The following TNFRSF10A variants were observed in gnomAD, a reference collection of about 807,000 sequenced individuals.
The protein encoded by TNFRSF10A is tumor necrosis factor receptor superfamily member 10A.
Under a neutral mutation model 42.8 loss-of-function variants are expected in TNFRSF10A, and 44 were observed. That is an observed-to-expected ratio of 1.03 (90% CI 0.81 to 1.32). TNFRSF10A has a LOEUF of 1.32. TNFRSF10A is among the 40% of genes most tolerant of loss of function. TNFRSF10A has a pLI of 0.00. For missense variants in TNFRSF10A, 680 were observed against 602.0 expected (o/e 1.13, Z -1.36); for synonymous variants, 259 against 234.2 (o/e 1.11, Z -0.97).
chr8:23,212,115 C>G lies in TNFRSF10A; in HGVS notation c.403+1G>C, dbSNP rs750693414. ...GATTAGAGATCAGTCTTAGAATGTA[C>G]CTGGTGGACACAACTCTCCCAAAGG... On this transcript the variant is annotated splice_donor_variant, in intron 2 of 9. Coordinates refer to ENST00000221132, the MANE Select transcript of TNFRSF10A (RefSeq NM_003844.4). LOFTEE classifies it high-confidence loss of function. The G allele has an allele frequency of 2.5e-5, 41 of 1,612,398 alleles. No individual in the cohort carries two copies. Among genetic ancestry groups the G allele is most frequent in the Non-Finnish European group, 3.1e-5 (36 of 1,178,834 alleles).
intron 6 of TNFRSF10A, 28 bp downstream of exon 6, chr8:23,200,477 A>G: frequency 6.2e-7 from 1 of 1,611,076 alleles, no homozygotes; most frequent in Non-Finnish European, 8.5e-7. Context: ...GAGAGTGCCC[A>G]GAGCCCTTGC....
chr8:23,191,641 A>C lies in TNFRSF10A; in HGVS notation c.*53T>G, dbSNP rs893389716. 22 of 1,489,242 alleles carry C rather than the reference A, an allele frequency of 1.5e-5. No homozygotes were observed. Among genetic ancestry groups the C allele is most frequent in the Non-Finnish European group, 2.0e-5 (22 of 1,127,136 alleles). 92.3% of individuals were successfully genotyped at this position (1,489,242 alleles called of 1,614,324 possible). On this transcript the variant is annotated 3_prime_UTR_variant, in exon 10 of 10. Coordinates refer to ENST00000221132, the MANE Select transcript of TNFRSF10A (RefSeq NM_003844.4). ...TACATGTTAAAAAAAAAAAAAACCT[A>C]ATATGTATTAACTCCTAACACCTAA...
intron 9 of TNFRSF10A, 91 bp from the exon 10 acceptor site, chr8:23,192,104 A>C: frequency 6.6e-7 from 1 of 1,513,724 alleles, no homozygotes; most frequent in Non-Finnish European, 8.8e-7. Context: ...GAACCCAAGG[A>C]GAGAACCTGG....
At chr8:23,201,760 T>G in intron 4 of TNFRSF10A, 48 bp downstream of exon 4, 1 of 1,568,340 alleles carries the variant, frequency 6.4e-7, no homozygotes, top group South Asian at 1.1e-5. Flanking sequence ...GTTCCTTGCT[T>G]CTGTGGGTTC....
intron 9 of TNFRSF10A, among the ~76,000 whole-genome samples, chr8:23,192,529 G>C (rs1448569595): frequency 1.3e-5 from 2 of 152,210 alleles, no homozygotes; most frequent in African/African-American, 4.8e-5. Flanking sequence ...CAAACCTGAA[G>C]ACAGAGCAAA....
At chr8:23,201,754 C>G in intron 4 of TNFRSF10A, 54 bp downstream of exon 4, 1 of 1,451,870 alleles carries the variant, frequency 6.9e-7, no homozygotes, top group Non-Finnish European at 9.3e-7. Flanking sequence ...TTTAGGGTTC[C>G]TTGCTTCTGT....
chr8:23,203,879 C>T (rs910612813), intron 2 of TNFRSF10A, among the ~76,000 whole-genome samples: 3 of 151,452 alleles, frequency 2.0e-5, no homozygotes, highest in Non-Finnish European at 2.9e-5. Flanking sequence ...TGGGTTCAAG[C>T]GATTCTCCTG....
intron 9 of TNFRSF10A, among the ~76,000 whole-genome samples, chr8:23,196,301 C>G (rs1800821780): frequency 6.6e-6 from 1 of 152,136 alleles, no homozygotes; most frequent in Non-Finnish European, 1.5e-5. Flanking sequence ...TCATGCCATT[C>G]TCCTGCCTCA....
intron 2 of TNFRSF10A, among the ~76,000 whole-genome samples, chr8:23,203,517 G>A (rs1267293562): frequency 2.0e-5 from 3 of 152,212 alleles, no homozygotes; most frequent in Non-Finnish European, 4.4e-5. Context: ...TCGCCAGCGG[G>A]AGCCCATGTC....
rs915894503 is a variant in TNFRSF10A at position 23,201,089 on chromosome 8, C to T, written c.630-329G>A. ...ACACTCCAGGGGAAGATCACAAGCC[C>T]GTGTGGCCACAAGCTGAGCCCCTTC... On this transcript the variant is annotated intron_variant, in intron 4 of 9. Coordinates refer to ENST00000221132, the MANE Select transcript of TNFRSF10A (RefSeq NM_003844.4). 5.3e-5 allele frequency among the ~76,000 whole-genome samples: 8 copies of T among 152,304 alleles called. 1 individual carries two copies. Among genetic ancestry groups the T allele is most frequent in the South Asian group, 4.1e-4 (2 of 4,834 alleles).
chr8:23,199,596 G>T (rs1463147613), intron 7 of TNFRSF10A, 148 bp from the exon 8 acceptor site: 3 of 1,072,944 alleles, frequency 2.8e-6, no homozygotes, highest in Non-Finnish European at 2.6e-6. Flanking sequence ...CCTGCTGCTG[G>T]GGCCAGGCCC....
rs551393985 is a variant in TNFRSF10A, at chr8:23,205,934, T to C, written c.404-3173A>G. 9.1e-3 allele frequency among the ~76,000 whole-genome samples: 1,383 copies of C among 152,198 alleles called. 11 individuals are homozygous for C. Among genetic ancestry groups the C allele is most frequent in the Non-Finnish European group, 0.015 (994 of 68,000 alleles). ...GGTTTCACTGTGTTAGCCAGGATGG[T>C]CTCGATCTCCTGACCTCGTGATCCG... On this transcript the variant is annotated intron_variant, in intron 2 of 9. Transcript: ENST00000221132.
chr8:23,224,135 C>G lies in TNFRSF10A; in HGVS notation c.306+621G>C, dbSNP rs186687325. 3.1e-3 allele frequency among the ~76,000 whole-genome samples: 470 copies of G among 151,418 alleles called. 5 individuals are homozygous for G. The highest frequency in any genetic ancestry group is 0.011 in the African/African-American group (452 of 41,208). ...CTAACACAGTGAAACCCCGTGACTA[C>G]TAAAAATACAAAAAATTAGCCGGGC... On this transcript the variant is annotated intron_variant, in intron 1 of 9. Coordinates refer to ENST00000221132, the MANE Select transcript of TNFRSF10A (RefSeq NM_003844.4).
chr8:23,207,543 T>C (rs1212201325), intron 2 of TNFRSF10A, among the ~76,000 whole-genome samples: 3 of 152,212 alleles, frequency 2.0e-5, no homozygotes, highest in African/African-American at 7.2e-5. Flanking sequence ...TTCCAATTCA[T>C]TGTATAAGGA....
chr8:23,210,961 A>G (rs994370335), intron 2 of TNFRSF10A, among the ~76,000 whole-genome samples: 14 of 152,192 alleles, frequency 9.2e-5, no homozygotes, highest in African/African-American at 3.1e-4. Flanking sequence ...CACAGCTAAC[A>G]TTATATTTAA....
At position 23,222,772 on chromosome 8, in the gene TNFRSF10A, C is replaced by A. The variant is rs1801274148; in HGVS notation, c.306+1984G>T. Among the ~76,000 whole-genome samples the A allele has an allele frequency of 3.3e-5, 5 of 152,252 alleles. No individual in the cohort carries two copies. In the South Asian group the frequency reaches 8.3e-4, roughly 25 times the overall value. On this transcript the variant is annotated intron_variant, in intron 1 of 9. Coordinates refer to ENST00000221132, the MANE Select transcript of TNFRSF10A (RefSeq NM_003844.4). ...CATGAAAGGCTTGGTGCCATAACCG[C>A]CCCCTCCCACATTCCCCCAGGAGTT...
intron 1 of TNFRSF10A, among the ~76,000 whole-genome samples, chr8:23,215,019 T>A (rs1585286890): frequency 6.6e-6 from 1 of 152,290 alleles, no homozygotes; most frequent in East Asian, 1.9e-4. Flanking sequence ...GTACTGATGC[T>A]TACTGTCTGA....
At chr8:23,211,877 T>C (rs1299372590) in intron 2 of TNFRSF10A, among the ~76,000 whole-genome samples, 2 of 152,166 alleles carry the variant, frequency 1.3e-5, no homozygotes. Context: ...TGAAAATGCA[T>C]CAAGAGTTAA....
chr8:23,219,293 C>T (rs574969597), intron 1 of TNFRSF10A, among the ~76,000 whole-genome samples: 1 of 151,220 alleles, frequency 6.6e-6, no homozygotes, highest in African/African-American at 2.4e-5. Context: ...CCTCCAAGCC[C>T]ATGAGGTGAG....
Sources: allele counts gnomAD v4.1 joint callset (sites outside exome capture counted in the v4.1 genomes callset), GRCh38; gene constraint gnomAD v4.1.1; transcripts MANE v1.5; gene names NCBI Gene and HGNC (gene_info 2026-07-23, HGNC 2026-07-21).